Variants in TNRC18 observed in about 807,000 individuals in gnomAD.
TNRC18 encodes trinucleotide repeat-containing gene 18 protein.
A neutral mutation model predicts 226.7 loss-of-function variants in TNRC18; 69 were observed. That is an observed-to-expected ratio of 0.30 (90% CI 0.25 to 0.37). TNRC18 has a LOEUF of 0.37. TNRC18 is among the 10% of genes least tolerant of loss of function. The probability of loss-of-function intolerance (pLI) is 1.00; values close to 1 mark genes in which losing one functional copy is unlikely to be tolerated. For missense variants in TNRC18, 4,754 were observed against 4,256.6 expected (o/e 1.12, Z -3.25); for synonymous variants, 2,449 against 1,927.6 (o/e 1.27, Z -7.09).
chr7:5,415,979 TG>T (rs984825497), intron 2 of TNRC18, among the ~76,000 whole-genome samples: 9 of 150,398 alleles, frequency 6.0e-5, no homozygotes, highest in Non-Finnish European at 1.2e-4. Context: ...CTGGGCGTGG[TG>T]GCAGGCGCCT....
At chr7:5,398,322 C>G (rs1780843007) in intron 2 of TNRC18, among the ~76,000 whole-genome samples, 1 of 152,144 alleles carries the variant, frequency 6.6e-6, no homozygotes, top group Non-Finnish European at 1.5e-5. Flanking sequence ...AGGTATACCC[C>G]ACGACGCCTG....
chr7:5,393,927 C>T (rs572317574), intron 3 of TNRC18, among the ~76,000 whole-genome samples: 14 of 152,092 alleles, frequency 9.2e-5, no homozygotes, highest in African/African-American at 2.9e-4. Context: ...AGGCTGGTCT[C>T]GAACTCCTGC....
At chr7:5,316,095 G>C (rs763687877) in intron 24 of TNRC18, 23 bp from the exon 25 acceptor site, 2 of 1,595,466 alleles carry the variant, frequency 1.3e-6, no homozygotes, top group Admixed American at 1.7e-5. Flanking sequence ...GGGAGGCTCA[G>C]GGGAGGCCCT....
chr7:5,362,114 T>A (rs1243399780), intron 12 of TNRC18, 81 bp from the exon 13 acceptor site: 1 of 1,534,680 alleles, frequency 6.5e-7, no homozygotes, highest in Non-Finnish European at 8.8e-7. Context: ...GGGGTGCCCC[T>A]GAGGAAGGGG....
In TNRC18 at chr7:5,313,433, A is replaced by G; in HGVS notation, c.7458T>C (p.Asp2486=). Residue 2486 remains aspartate (D), a synonymous_variant, in exon 27 of 30, where the codon GAT becomes GAC. Transcript: ENST00000430969. ...GCTCCTGCCAGCCCCCCGCCCCCGG[A>G]TCCTCCCGGAGCAGCAGGGCCTCTT... is the stretch of plus-strand genomic sequence containing the variant. ...KAKEALLLRE[D]PGAGGWQEPK... is the part of the protein sequence containing the mutation. 1 of 1,610,116 alleles carries G rather than the reference A, an allele frequency of 6.2e-7. No homozygotes were observed. Among genetic ancestry groups the G allele is most frequent in the Non-Finnish European group, 8.5e-7 (1 of 1,178,608 alleles).
chr7:5,370,619 C>A lies in TNRC18; in HGVS notation c.3975G>T (p.Glu1325Asp). Residue 1325 changes from glutamate to aspartate, a missense_variant, in exon 11 of 30, where the codon GAG (glutamate) becomes GAT (aspartate). Coordinates refer to ENST00000430969, the MANE Select transcript of TNRC18 (RefSeq NM_001080495.3). ...TGGGCAGGAACTGGTCAGAGCTTGC[C>A]TCTTCCAGGAAGCAGGTGCTGCCGA... is the stretch of plus-strand genomic sequence containing the variant. ...PVLGSTCFLE[E>D]ASSDQFLPSL... 6.2e-7 allele frequency: 1 copy of A among 1,613,296 alleles called. No individual in the cohort carries two copies. Among genetic ancestry groups the A allele is most frequent in the African/African-American group, 1.3e-5 (1 of 75,068 alleles).
intron 8 of TNRC18, 80 bp downstream of exon 8, chr7:5,376,767 A>T: frequency 6.5e-7 from 1 of 1,532,514 alleles, no homozygotes; most frequent in South Asian, 1.2e-5. Context: ...ACCCCTCAGC[A>T]GGAAGCCCTT....
At chr7:5,323,294 A>G (rs1788563193) in intron 21 of TNRC18, among the ~76,000 whole-genome samples, 1 of 152,008 alleles carries the variant, frequency 6.6e-6, no homozygotes, top group African/African-American at 2.4e-5. Context: ...AAAGCCCAGC[A>G]CATGACTCTC....
Position 5,376,984 on chromosome 7 carries a change from G to C in TNRC18, c.2471C>G (p.Pro824Arg). 3.8e-6 allele frequency: 6 copies of C among 1,581,108 alleles called. No individual in the cohort carries two copies. The highest frequency in any genetic ancestry group is 5.2e-6 in the Non-Finnish European group (6 of 1,163,948). ...GGCCATGCCCTGGTGCAGAGATGGG[G>C]GACCCAAGCCTAGGAGGAGAAGCCC... ...WLAGHPYGLGPPSLHQGMAPA... is the reference protein window; with the variant it reads ...WLAGHPYGLGRPSLHQGMAPA... The change falls in exon 8 of 30, where the codon CCC becomes CGC. Residue 824 changes from proline (P) to arginine (R), a missense_variant. Pro to Arg is a moderately radical substitution (Grantham distance 103). Coordinates refer to ENST00000430969, the MANE Select transcript of TNRC18 (RefSeq NM_001080495.3).
At chr7:5,362,175 T>A in intron 12 of TNRC18, 142 bp from the exon 13 acceptor site, 1 of 1,026,710 alleles carries the variant, frequency 9.7e-7, no homozygotes, top group Non-Finnish European at 1.4e-6. Flanking sequence ...ACCTCCTGAC[T>A]GTGGCCATGG....
chr7:5,357,271 C>A lies in TNRC18; in HGVS notation c.4839G>T (p.Lys1613Asn). Residue 1613 changes from lysine to asparagine, a missense_variant, in exon 16 of 30, where the codon AAG (lysine) becomes AAT (asparagine). By Grantham distance (94) the Lys-to-Asn change is moderately conservative (BLOSUM62 0). Coordinates refer to ENST00000430969, the MANE Select transcript of TNRC18 (RefSeq NM_001080495.3). Reference sequence around the variant, plus strand: ...CGCTGGCCATCTTCTTCTTCTTAATCTTTAGCTGGAGAGGGAAGGTGGGTC... The same window carrying A: ...CGCTGGCCATCTTCTTCTTCTTAATATTTAGCTGGAGAGGGAAGGTGGGTC... ...EASSDFISQL[K>N]IKKKKMASDQ... The A allele has an allele frequency of 6.2e-7, 1 of 1,609,244 alleles. No individual in the cohort carries two copies. Among genetic ancestry groups the A allele is most frequent in the South Asian group, 1.1e-5 (1 of 89,920 alleles).
rs1001860636 is a variant in TNRC18, at chr7:5,363,485, C to T, written c.4220-660G>A. On this transcript the variant is annotated intron_variant, in intron 11 of 29. Transcript: ENST00000430969. ...CGGGTGTGGTGGCGGGCGCCTGTAGCCCCAGCTACTCGGGAGGCTGAAGCA... is the reference window on the plus strand; with the variant it reads ...CGGGTGTGGTGGCGGGCGCCTGTAGTCCCAGCTACTCGGGAGGCTGAAGCA... Among the ~76,000 whole-genome samples the T allele has an allele frequency of 4.0e-5, 6 of 151,040 alleles. No individual in the cohort carries two copies. The South Asian group carries it at 8.4e-4, about 21-fold the overall frequency.
At chr7:5,333,558 C>G (rs1310295448) in intron 18 of TNRC18, among the ~76,000 whole-genome samples, 2 of 152,192 alleles carry the variant, frequency 1.3e-5, no homozygotes, top group Non-Finnish European at 2.9e-5. Context: ...AGCAGCCCTC[C>G]TCCCACCCCA....
At chr7:5,406,114 A>T (rs1333705627) in intron 2 of TNRC18, among the ~76,000 whole-genome samples, 1 of 152,220 alleles carries the variant, frequency 6.6e-6, no homozygotes, top group African/African-American at 2.4e-5. Context: ...TACATTCCAC[A>T]ACAACGTGGA....
At chr7:5,410,560 G>A (rs950194664) in intron 2 of TNRC18, among the ~76,000 whole-genome samples, 1 of 151,948 alleles carries the variant, frequency 6.6e-6, no homozygotes, top group Admixed American at 6.6e-5. Flanking sequence ...TTTCAGAACA[G>A]TGATGAAGAA....
chr7:5,355,543 G>C (rs1441510061), intron 16 of TNRC18, among the ~76,000 whole-genome samples: 1 of 152,206 alleles, frequency 6.6e-6, no homozygotes, highest in Non-Finnish European at 1.5e-5. Flanking sequence ...CTTAAGGCCA[G>C]GAGTTCCAGA....
intron 2 of TNRC18, among the ~76,000 whole-genome samples, chr7:5,415,010 G>T (rs765848703): frequency 6.6e-6 from 1 of 152,186 alleles, no homozygotes; most frequent in East Asian, 1.9e-4. Flanking sequence ...TAAGAGTCCA[G>T]ACCAGTTCTG....
At chr7:5,410,127 C>G (rs1160388563) in intron 2 of TNRC18, among the ~76,000 whole-genome samples, 1 of 149,292 alleles carries the variant, frequency 6.7e-6, no homozygotes, top group Non-Finnish European at 1.5e-5. Context: ...CCTGGCCAAC[C>G]TGGTGAAACC....
chr7:5,355,592 T>C (rs1792277408), intron 16 of TNRC18, among the ~76,000 whole-genome samples: 1 of 151,930 alleles, frequency 6.6e-6, no homozygotes, highest in South Asian at 2.1e-4. Context: ...TCTACGAAAA[T>C]AAAAATAAAT....
Sources: gnomAD v4.1 joint callset for allele counts (sites outside exome capture counted in the v4.1 genomes callset) on GRCh38, gnomAD v4.1.1 for gene constraint, MANE v1.5 for transcripts, NCBI Gene and HGNC (gene_info 2026-07-23, HGNC 2026-07-21) for gene names.